ZSWIM6: variants seen among roughly 807,000 people sequenced by gnomAD.
The protein encoded by ZSWIM6 is zinc finger SWIM domain-containing protein 6.
A neutral mutation model predicts 113.2 loss-of-function variants in ZSWIM6; 9 were observed. That is an observed-to-expected ratio of 0.08 (90% CI 0.05 to 0.14). ZSWIM6 has a LOEUF of 0.14. ZSWIM6 is among the 10% of genes least tolerant of loss of function. The pLI is 1.00. For missense variants in ZSWIM6, 1,162 were observed against 1,552.2 expected (o/e 0.75, Z 4.22); for synonymous variants, 611 against 606.5 (o/e 1.01, Z -0.11).
chr5:61,385,293 A>G (rs1179104394), intron 1 of ZSWIM6, among the ~76,000 whole-genome samples: 2 of 152,230 alleles, frequency 1.3e-5, no homozygotes, highest in African/African-American at 4.8e-5. Flanking sequence ...TAGAGTTTAA[A>G]GGAGTTCTCC....
At chr5:61,376,564 A>T (rs1435950577) in intron 1 of ZSWIM6, among the ~76,000 whole-genome samples, 2 of 114,730 alleles carry the variant, frequency 1.7e-5, no homozygotes, top group Non-Finnish European at 3.5e-5. Flanking sequence ...AAGCCCCAAA[A>T]GCTCTGGGAT....
chr5:61,528,624 G>C (rs1393887131), intron 7 of ZSWIM6, among the ~76,000 whole-genome samples: 1 of 146,918 alleles, frequency 6.8e-6, no homozygotes, highest in Non-Finnish European at 1.5e-5. Context: ...GTCTCGCCCT[G>C]TCCCCCAGGC....
intron 1 of ZSWIM6, among the ~76,000 whole-genome samples, chr5:61,341,069 A>C (rs1355637218): frequency 6.6e-6 from 1 of 152,274 alleles, no homozygotes; most frequent in African/African-American, 2.4e-5. Context: ...AGTTCTGGCC[A>C]GGGCCATTAT....
intron 1 of ZSWIM6, among the ~76,000 whole-genome samples, chr5:61,461,784 A>C (rs1277466741): frequency 6.6e-6 from 1 of 152,130 alleles, no homozygotes; most frequent in African/African-American, 2.4e-5. Flanking sequence ...ATTTCAGGAA[A>C]AAACACTCCC....
rs553592342 is a variant in ZSWIM6 at position 61,332,515 on chromosome 5, G to T, written c.243G>T (p.Ala81=). The change falls in exon 1 of 14, where the codon GCG becomes GCT. Residue 81 remains alanine, a synonymous_variant. Transcript: ENST00000252744. ...GCCCCGAGTCGCTGCTGGACATCGCGGCGCGCAGGGTGGCGGAGAAGTGGC... is the reference window on the plus strand; with the variant it reads ...GCCCCGAGTCGCTGCTGGACATCGCTGCGCGCAGGGTGGCGGAGAAGTGGC... The part of the protein sequence containing the change: ...TQSPESLLDI[A]ARRVAEKWPF... The T allele has an allele frequency of 4.9e-3, 6,516 of 1,319,642 alleles. 28 individuals carry two copies. The highest frequency in any genetic ancestry group is 5.9e-3 in the Non-Finnish European group (5,896 of 1,005,958). The allele number at this position is 1,319,642 out of a possible 1,614,324, so 81.7% of individuals were successfully genotyped here. A position where few individuals can be genotyped will look rare whatever the true frequency, so the allele number is the denominator to read the frequency against.
chr5:61,432,954 T>C (rs549203569), intron 1 of ZSWIM6, among the ~76,000 whole-genome samples: 1 of 152,300 alleles, frequency 6.6e-6, no homozygotes, highest in African/African-American at 2.4e-5. Context: ...GTACTCCATA[T>C]AGAAGGAAAG....
At chr5:61,496,673 A>G (rs940185136) in intron 4 of ZSWIM6, among the ~76,000 whole-genome samples, 77 of 152,274 alleles carry the variant, frequency 5.1e-4, no homozygotes, top group African/African-American at 1.8e-3. Context: ...TGGATAATAC[A>G]GGACCTGAAT....
intron 1 of ZSWIM6, among the ~76,000 whole-genome samples, chr5:61,447,006 T>A (rs1007792895): frequency 1.3e-5 from 2 of 152,096 alleles, no homozygotes; most frequent in African/African-American, 4.8e-5. Flanking sequence ...AAATTTTGGG[T>A]AAAGCTGTTT....
At chr5:61,430,378 A>G (rs560691971) in intron 1 of ZSWIM6, among the ~76,000 whole-genome samples, 1 of 152,330 alleles carries the variant, frequency 6.6e-6, no homozygotes, top group South Asian at 2.1e-4. Flanking sequence ...TCAATTTTCT[A>G]TAATATTTTG....
intron 1 of ZSWIM6, among the ~76,000 whole-genome samples, chr5:61,351,751 T>C (rs1403520961): frequency 6.6e-6 from 1 of 152,202 alleles, no homozygotes; most frequent in Non-Finnish European, 1.5e-5. Context: ...GGATTAGCCA[T>C]CACATCAAGC....
Position 61,332,564 on chromosome 5 carries a change from T to C in ZSWIM6, c.292T>C (p.Phe98Leu). 1.5e-6 allele frequency: 2 copies of C among 1,357,756 alleles called. No homozygotes were observed. The highest frequency in any genetic ancestry group is 4.0e-5 in the East Asian group (1 of 25,248). The allele number at this position is 1,357,756 out of a possible 1,614,324, so 84.1% of individuals were successfully genotyped here. A position where few individuals can be genotyped will look rare whatever the true frequency, so the allele number is the denominator to read the frequency against. The change falls in exon 1 of 14, where the codon TTT becomes CTT. Residue 98 changes from phenylalanine to leucine, a missense_variant. This residue lies in a region of ZSWIM6 where 333 missense variants were observed against 293.4 expected (regional missense o/e 1.13). Coordinates refer to ENST00000252744, the MANE Select transcript of ZSWIM6 (RefSeq NM_020928.2). ...GCCGTTCCAGCGCGTGGAGGAGCGC[T>C]TTGAGCGCATCCCGGAGCCGGTGCA... ...KWPFQRVEER[F>L]ERIPEPVQRR...
At chr5:61,500,883 G>A (rs1420947247) in intron 4 of ZSWIM6, among the ~76,000 whole-genome samples, 1 of 152,060 alleles carries the variant, frequency 6.6e-6, no homozygotes, top group African/African-American at 2.4e-5. Context: ...CCTGAACTAG[G>A]CGCTGATAAT....
At chr5:61,499,484 A>T (rs1748405712) in intron 4 of ZSWIM6, among the ~76,000 whole-genome samples, 1 of 152,160 alleles carries the variant, frequency 6.6e-6, no homozygotes, top group South Asian at 2.1e-4. Flanking sequence ...ACATTAGGAG[A>T]TGTGATAAAT....
chr5:61,375,681 A>G (rs571081740), intron 1 of ZSWIM6: 5 of 1,547,422 alleles, frequency 3.2e-6, no homozygotes, highest in African/African-American at 2.7e-5. Context: ...ATAAACCTTT[A>G]TCATCTGAGT....
chr5:61,464,880 C>T (rs576559921), intron 1 of ZSWIM6, among the ~76,000 whole-genome samples: 19 of 152,316 alleles, frequency 1.2e-4, no homozygotes, highest in African/African-American at 3.8e-4. Flanking sequence ...AGATAAAGTA[C>T]GCAGAGATGC....
Position 61,370,538 on chromosome 5 carries a change from T to C in ZSWIM6, c.676+37590T>C, listed in dbSNP as rs146408040. Among the ~76,000 whole-genome samples, 377 of 152,388 alleles carry C rather than the reference T, an allele frequency of 2.5e-3. 6 individuals are homozygous for C. The highest frequency in any genetic ancestry group is 4.6e-4 in the Non-Finnish European group (31 of 68,038). On this transcript the variant is annotated intron_variant, in intron 1 of 13. Coordinates refer to ENST00000252744, the MANE Select transcript of ZSWIM6 (RefSeq NM_020928.2). ...AATAATTCAGTGGATTTATATTTTA[T>C]TTGACCATTGTCTTATTTTGGACAT... is the stretch of plus-strand genomic sequence containing the variant.
chr5:61,526,269 T>C lies in ZSWIM6; in HGVS notation c.1710T>C (p.Cys570=). 6.4e-7 allele frequency: 1 copy of C among 1,551,824 alleles called. No homozygotes were observed. The change falls in exon 7 of 14, where the codon TGT becomes TGC. Residue 570 remains cysteine (C), a synonymous_variant. Coordinates refer to ENST00000252744, the MANE Select transcript of ZSWIM6 (RefSeq NM_020928.2). ...TTTTAGAACATGTTCCTACAGCCTG[T>C]GCAAGAGTGGACGCATTACGTTCTC... ...PLWHEHVPTA[C]ARVDALRSHG... is the part of the protein sequence containing the mutation.
chr5:61,367,191 G>A (rs996181026), intron 1 of ZSWIM6, among the ~76,000 whole-genome samples: 4 of 152,116 alleles, frequency 2.6e-5, no homozygotes, highest in East Asian at 1.9e-4. Context: ...TAGGCATTAC[G>A]TTTTCTCTTC....
At chr5:61,404,359 G>C (rs534255978) in intron 1 of ZSWIM6, among the ~76,000 whole-genome samples, 1 of 152,220 alleles carries the variant, frequency 6.6e-6, no homozygotes, top group East Asian at 1.9e-4. Flanking sequence ...ATCTTTAGGG[G>C]AAAGAATGGC....
Sources: gnomAD v4.1 joint callset for allele counts (sites outside exome capture counted in the v4.1 genomes callset) on GRCh38, gnomAD v4.1.1 for gene constraint, gnomAD v4.1.1 regional missense constraint, MANE v1.5 for transcripts, NCBI Gene and HGNC (gene_info 2026-07-23, HGNC 2026-07-21) for gene names.